CSF1R: variants seen among roughly 807,000 people sequenced by gnomAD.
CSF1R encodes colony stimulating factor 1 receptor, also known as macrophage colony-stimulating factor 1 receptor.
Under a neutral mutation model 110.0 loss-of-function variants are expected in CSF1R, and 40 were observed. The ratio of observed to expected loss-of-function variants is 0.36; its 90% confidence interval spans 0.28 to 0.47. The LOEUF is 0.47. CSF1R is among the 20% of genes least tolerant of loss of function. CSF1R has a pLI of 0.99. For missense variants in CSF1R, 1,052 were observed against 1,253.0 expected (o/e 0.84, Z 2.42); for synonymous variants, 523 against 503.4 (o/e 1.04, Z -0.52).
At chr5:150,067,112 G>T (rs1431529891) in intron 10 of CSF1R, 1 of 152,104 alleles carries the variant, frequency 6.6e-6, no homozygotes, top group African/African-American at 2.4e-5. Flanking sequence ...CATGGTCTTT[G>T]TGTGGGCAGG....
intron 14 of CSF1R, chr5:150,058,181 C>G (rs775845965): frequency 4.2e-5 from 19 of 455,284 alleles, no homozygotes; most frequent in South Asian, 2.8e-4. Flanking sequence ...AGATAAATCA[C>G]CCCGGGAATC....
Position 150,070,050 on chromosome 5 carries a change from G to C in CSF1R, c.1333C>G (p.Gln445Glu). The C allele has an allele frequency of 6.2e-7, 1 of 1,613,928 alleles. No homozygotes were observed. The highest frequency in any genetic ancestry group is 8.5e-7 in the Non-Finnish European group (1 of 1,179,908). The change falls in exon 9 of 21, where the codon CAA becomes GAA. Residue 445 changes from glutamine (Q) to glutamate (E), a missense_variant. This residue lies in a region of CSF1R where 693 missense variants were observed against 735.4 expected (regional missense o/e 0.94). Transcript: ENST00000675795. ...GGGTCATCCCAGACCTGCAGCACTTGGGCCTCATCACACCTGGCAAAAGCA... is the reference window on the plus strand; with the variant it reads ...GGGTCATCCCAGACCTGCAGCACTTCGGCCTCATCACACCTGGCAAAAGCA... ...SGHTDRCDEA[Q>E]VLQVWDDPYP...
At chr5:150,094,062 TCA>T (rs749356967) in intron 1 of CSF1R, among the ~76,000 whole-genome samples, 2 of 101,158 alleles carry the variant, frequency 2.0e-5, no homozygotes, top group African/African-American at 8.1e-5. Flanking sequence ...AAATTCCATC[TCA>T]AAAAAAAAAA....
Position 150,080,807 on chromosome 5 carries a change from G to T in CSF1R, c.267C>A (p.Asp89Glu), listed in dbSNP as rs143080503. The T allele has an allele frequency of 6.2e-7, 1 of 1,614,154 alleles. No homozygotes were observed. The highest frequency in any genetic ancestry group is 8.5e-7 in the Non-Finnish European group (1 of 1,180,018). The change falls in exon 2 of 21, where the codon GAC becomes GAA. Residue 89 changes from aspartate to glutamate, a missense_variant. By Grantham distance (45) the Asp-to-Glu change is conservative. Coordinates refer to ENST00000675795, the MANE Select transcript of CSF1R (RefSeq NM_001288705.3). ...GGATGGCGGCGCTGCCTCCCAGGGG[G>T]TCTCCAGGCTCAGTGCAGCGATAGG... ...TGTYRCTEPG[D>E]PLGGSAAIHL...
At chr5:150,062,671 G>A (rs1257207583) in intron 10 of CSF1R, among the ~76,000 whole-genome samples, 1 of 152,220 alleles carries the variant, frequency 6.6e-6, no homozygotes, top group Non-Finnish European at 1.5e-5. Context: ...AGGCACCGCT[G>A]ATTCAGAGTT....
intron 1 of CSF1R, chr5:150,098,562 T>C (rs1231415428): frequency 2.0e-5 from 3 of 152,202 alleles, no homozygotes; most frequent in Non-Finnish European, 2.9e-5. Context: ...CTCTTTTAAA[T>C]AGATGGTTAA....
intron 5 of CSF1R, among the ~76,000 whole-genome samples, chr5:150,076,350 CTATCTATCTAT>C (rs1243902087): frequency 1.2e-4 from 18 of 151,810 alleles, no homozygotes; most frequent in African/African-American, 4.4e-4. Flanking sequence ...ATCTATCTAT[CTATCTATCTAT>C]CTATCTATCT....
In CSF1R at chr5:150,053,443, G is replaced by T. The variant is rs930684468; in HGVS notation, c.*626C>A. 4.7e-5 allele frequency: 11 copies of T among 234,958 alleles called. No homozygotes were observed. Among genetic ancestry groups the T allele is most frequent in the Non-Finnish European group, 7.6e-5 (9 of 118,950 alleles). The allele number at this position is 234,958 out of a possible 1,614,324, so 14.6% of individuals were successfully genotyped here. A position where few individuals can be genotyped will look rare whatever the true frequency, so the allele number is the denominator to read the frequency against. ...CCTGCCTTCTAGCCCAGAATGACGG[G>T]ACTGGGCAGAACACCCCCAACTTTT... is the stretch of plus-strand genomic sequence containing the variant. On this transcript the variant is annotated 3_prime_UTR_variant, in exon 21 of 21. Coordinates refer to ENST00000675795, the MANE Select transcript of CSF1R (RefSeq NM_001288705.3).
In CSF1R at chr5:150,084,447, GAAGGAAGGAAGA is replaced by G. The variant is rs1462759862; in HGVS notation, c.49+1920_49+1931del. The stretch of plus-strand genomic sequence containing the variant: ...GGAAGGAAGGAAGGAAGGAAGGAAG[GAAGGAAGGAAGA>G]AAGAAAGGAAGGAGATGGAGTCTTG... On this transcript the variant is annotated intron_variant, in intron 1 of 20. Transcript: ENST00000675795. 1.8e-3 allele frequency among the ~76,000 whole-genome samples: 113 copies of G among 63,928 alleles called. 2 individuals carry two copies. Among genetic ancestry groups the G allele is most frequent in the South Asian group, 3.7e-3 (9 of 2,424 alleles). The allele number at this position is 63,928 out of a possible 152,430, so 41.9% of individuals were successfully genotyped here.
chr5:150,104,866 A>T (rs6859162), intron 1 of CSF1R, among the ~76,000 whole-genome samples: 59,778 of 150,150 alleles, frequency 0.4, 12,174 homozygotes, highest in African/African-American at 0.51. Context: ...CCTAATCCTT[A>T]CTCTTTTGTT....
chr5:150,055,180 C>A, intron 19 of CSF1R, 57 bp downstream of exon 19: 2 of 1,490,150 alleles, frequency 1.3e-6, no homozygotes, highest in Non-Finnish European at 1.9e-6. Context: ...GGCCTTCCAT[C>A]CCTTTCCAGC....
intron 1 of CSF1R, among the ~76,000 whole-genome samples, chr5:150,093,260 G>A (rs1402030774): frequency 2.0e-5 from 3 of 152,092 alleles, no homozygotes; most frequent in African/African-American, 7.2e-5. Context: ...TGCATTTTTA[G>A]TAGAGACAGG....
intron 5 of CSF1R, among the ~76,000 whole-genome samples, chr5:150,074,269 G>A (rs1220765462): frequency 1.3e-5 from 2 of 148,228 alleles, no homozygotes; most frequent in African/African-American, 5.0e-5. Context: ...AGTTTGAGTT[G>A]GTTTCTATTA....
At position 150,106,118 on chromosome 5, in the gene CSF1R, G is replaced by A. The variant is rs571239812; in HGVS notation, c.-181+7143C>T. ...CCAGCAGTGGGTGTGCTGACCGCTA[G>A]TGGACACAGAGTGGGGAAGTGCCAT... On this transcript the variant is annotated intron_variant, in intron 1 of 21. Coordinates refer to the CSF1R transcript ENST00000286301. 7.9e-4 allele frequency among the ~76,000 whole-genome samples: 120 copies of A among 152,362 alleles called. 2 individuals carry two copies. Among genetic ancestry groups the A allele is most frequent in the Admixed American group, 7.6e-3 (117 of 15,312 alleles).
chr5:150,077,239 A>T (rs2113823595), intron 5 of CSF1R, 37 bp downstream of exon 5: 5 of 1,613,678 alleles, frequency 3.1e-6, no homozygotes, highest in Non-Finnish European at 4.2e-6. Context: ...CTCCTGCAGG[A>T]TCCCTACCGA....
At chr5:150,065,442 C>T (rs2113799269) in intron 10 of CSF1R, among the ~76,000 whole-genome samples, 1 of 152,322 alleles carries the variant, frequency 6.6e-6, no homozygotes, top group East Asian at 1.9e-4. Flanking sequence ...TTTTCTCTTC[C>T]CCCACGGCCC....
At chr5:150,098,420 A>G (rs1759291853) in intron 1 of CSF1R, 1 of 152,874 alleles carries the variant, frequency 6.5e-6, no homozygotes, top group African/African-American at 2.4e-5. Context: ...GTCTGAGTGC[A>G]GTGGTGTTTA....
In CSF1R at chr5:150,055,230, C is replaced by T. The variant is rs751609205; in HGVS notation, c.2654+7G>A. 1.6e-5 allele frequency: 26 copies of T among 1,613,046 alleles called. No individual in the cohort carries two copies. The highest frequency in any genetic ancestry group is 2.7e-5 in the African/African-American group (2 of 74,892). On this transcript the variant is annotated splice_region_variant and intron_variant, in intron 19 of 20. Coordinates refer to ENST00000675795, the MANE Select transcript of CSF1R (RefSeq NM_001288705.3). ...TCCTTTTCCCTCCCTGGGATCCCTT[C>T]GCTTACATATTCTTTGGGGCAAATG...
chr5:150,103,954 C>T (rs1388134640), intron 1 of CSF1R, among the ~76,000 whole-genome samples: 1 of 152,130 alleles, frequency 6.6e-6, no homozygotes, highest in African/African-American at 2.4e-5. Flanking sequence ...TCAGGGACCC[C>T]AGCCTCAGAA....
Sources: allele counts gnomAD v4.1 joint callset (sites outside exome capture counted in the v4.1 genomes callset), GRCh38; gene constraint gnomAD v4.1.1; regional missense constraint gnomAD v4.1.1; transcripts MANE v1.5; gene names NCBI Gene and HGNC (gene_info 2026-07-23, HGNC 2026-07-21).